Variants in SLC30A8 observed in about 807,000 individuals in gnomAD.
SLC30A8 encodes the protein proton-coupled zinc antiporter SLC30A8.
Under a neutral mutation model 36.9 loss-of-function variants are expected in SLC30A8, and 27 were observed. The observed-to-expected ratio is 0.73, with a 90% CI of 0.54 to 1.01. The LOEUF is 1.01. SLC30A8 is among the 50% of genes least tolerant of loss of function. The pLI is 0.00. For missense variants in SLC30A8, 439 were observed against 452.0 expected (o/e 0.97, Z 0.26); for synonymous variants, 164 against 172.4 (o/e 0.95, Z 0.38).
intron 1 of SLC30A8, among the ~76,000 whole-genome samples, chr8:116,976,101 G>T (rs1166169628): frequency 1.3e-5 from 2 of 152,078 alleles, no homozygotes; most frequent in Non-Finnish European, 2.9e-5. Context: ...AGTGAAGCTG[G>T]TAAATGTTTT....
chr8:117,026,932 G>C (rs1020837232), intron 1 of SLC30A8, among the ~76,000 whole-genome samples: 1 of 152,104 alleles, frequency 6.6e-6, no homozygotes, highest in South Asian at 2.1e-4. Context: ...TTTGATGTGT[G>C]TCTAGGTGTG....
intron 1 of SLC30A8, among the ~76,000 whole-genome samples, chr8:117,019,621 G>C (rs1816638407): frequency 6.6e-6 from 1 of 152,156 alleles, no homozygotes; most frequent in Admixed American, 6.5e-5. Flanking sequence ...GCAAGAAATG[G>C]ATCTATTTTG....
intron 2 of SLC30A8, among the ~76,000 whole-genome samples, chr8:117,071,864 T>TTCA (rs1818340828): frequency 6.6e-6 from 1 of 152,176 alleles, no homozygotes; most frequent in Admixed American, 6.5e-5. Context: ...TCTCTGTTTG[T>TTCA]TCATCTCCCA....
rs146094539 is a variant in SLC30A8 at position 117,070,387 on chromosome 8, C to T, written c.-226+31129C>T. Among the ~76,000 whole-genome samples the T allele has an allele frequency of 8.5e-5, 13 of 152,278 alleles. No homozygotes were observed. In the East Asian group the frequency reaches 2.5e-3, roughly 29 times the overall value. On this transcript the variant is annotated intron_variant, in intron 2 of 10. Transcript: ENST00000427715. ...CAAAGACACTGGTTCTCCTAAAGTA[C>T]CTCAGACGCTCCAGCAGGCTAGACA... is the stretch of plus-strand genomic sequence containing the variant.
At chr8:116,991,407 C>A (rs1374021894) in intron 1 of SLC30A8, among the ~76,000 whole-genome samples, 4 of 151,994 alleles carry the variant, frequency 2.6e-5, no homozygotes, top group Non-Finnish European at 4.4e-5. Flanking sequence ...CCGGTTCAAG[C>A]AATTCTCCTG....
intron 2 of SLC30A8, among the ~76,000 whole-genome samples, chr8:117,148,431 T>G (rs1286043000): frequency 2.0e-5 from 3 of 152,162 alleles, no homozygotes; most frequent in African/African-American, 4.8e-5. Flanking sequence ...TCTGTGTTTC[T>G]GGTCTCTGTC....
At chr8:117,079,925 C>A (rs1459983386) in intron 2 of SLC30A8, among the ~76,000 whole-genome samples, 1 of 152,208 alleles carries the variant, frequency 6.6e-6, no homozygotes, top group Non-Finnish European at 1.5e-5. Flanking sequence ...CATCCAGAAT[C>A]CTAACAGAAC....
chr8:116,964,348 A>C (rs1814527368), intron 1 of SLC30A8, among the ~76,000 whole-genome samples: 1 of 152,248 alleles, frequency 6.6e-6, no homozygotes, highest in Non-Finnish European at 1.5e-5. Context: ...GCAGAAGCAA[A>C]AGCGTGGCTG....
intron 2 of SLC30A8, among the ~76,000 whole-genome samples, chr8:117,101,604 T>C (rs904252768): frequency 6.6e-5 from 10 of 152,186 alleles, no homozygotes; most frequent in African/African-American, 2.4e-4. Flanking sequence ...CCTGGGTGTG[T>C]CTGTGAGTGT....
At chr8:117,127,773 T>G (rs1820967887) in intron 2 of SLC30A8, among the ~76,000 whole-genome samples, 1 of 152,054 alleles carries the variant, frequency 6.6e-6, no homozygotes. Flanking sequence ...TTTTTAGTGT[T>G]GATGCTGAAG....
chr8:117,000,811 G>A (rs948268292), intron 1 of SLC30A8, among the ~76,000 whole-genome samples: 3 of 152,106 alleles, frequency 2.0e-5, no homozygotes, highest in Admixed American at 6.5e-5. Flanking sequence ...GTGAACTTGG[G>A]TAAGTTACAT....
chr8:117,060,169 T>A (rs1426986908), intron 2 of SLC30A8, among the ~76,000 whole-genome samples: 1 of 152,118 alleles, frequency 6.6e-6, no homozygotes, highest in Non-Finnish European at 1.5e-5. Flanking sequence ...GATGCTTTTT[T>A]ATTTTTATTA....
chr8:117,110,325 A>G (rs775501480), intron 2 of SLC30A8, among the ~76,000 whole-genome samples: 1 of 152,048 alleles, frequency 6.6e-6, no homozygotes, highest in Non-Finnish European at 1.5e-5. Flanking sequence ...TCACTTTGTC[A>G]TTCTGATTGA....
At chr8:117,163,716 C>T (rs1327055382) in intron 6 of SLC30A8, among the ~76,000 whole-genome samples, 186 bp downstream of exon 6, 1 of 152,090 alleles carries the variant, frequency 6.6e-6, no homozygotes, top group Non-Finnish European at 1.5e-5. Context: ...AAAGAACTGG[C>T]TTCTATTCTT....
Position 116,975,573 on chromosome 8 carries a change from C to T in SLC30A8, c.-266+24454C>T, listed in dbSNP as rs562369623. On this transcript the variant is annotated intron_variant, in intron 1 of 10. Transcript: ENST00000427715. ...TTTGGTAAAGTGTCACCTGCAATGA[C>T]GTAGAGGACAGACCACTTTAGAGAA... 6.2e-4 allele frequency among the ~76,000 whole-genome samples: 94 copies of T among 152,240 alleles called. 1 individual carries two copies. Among genetic ancestry groups the T allele is most frequent in the Non-Finnish European group, 1.0e-3 (71 of 68,018 alleles).
intron 1 of SLC30A8, among the ~76,000 whole-genome samples, chr8:117,002,240 C>T (rs764573692): frequency 7.9e-5 from 12 of 152,180 alleles, no homozygotes; most frequent in Admixed American, 7.9e-4. Context: ...AATTTCATCA[C>T]ATTTACCATT....
intron 2 of SLC30A8, among the ~76,000 whole-genome samples, chr8:117,079,430 C>G (rs925822832): frequency 2.0e-5 from 3 of 152,184 alleles, no homozygotes; most frequent in Admixed American, 1.3e-4. Context: ...AGCACCTCCA[C>G]CAAGTAGCCC....
At chr8:116,976,818 CTTTCTT>C (rs1305428282) in intron 1 of SLC30A8, among the ~76,000 whole-genome samples, 10 of 134,616 alleles carry the variant, frequency 7.4e-5, no homozygotes, top group East Asian at 2.1e-4. Context: ...TTCTTTCTTT[CTTTCTT>C]TTTTTTTTTT....
At chr8:116,974,689 A>G (rs1380272201) in intron 1 of SLC30A8, among the ~76,000 whole-genome samples, 2 of 152,286 alleles carry the variant, frequency 1.3e-5, no homozygotes, top group Admixed American at 6.5e-5. Context: ...ATTACTGGGT[A>G]TATACCCAAA....
Sources: gnomAD v4.1 joint callset for allele counts (sites outside exome capture counted in the v4.1 genomes callset) on GRCh38, gnomAD v4.1.1 for gene constraint, MANE v1.5 for transcripts, NCBI Gene and HGNC (gene_info 2026-07-23, HGNC 2026-07-21) for gene names.